The following HIVEP2 variants were observed in gnomAD, a reference collection of about 807,000 sequenced individuals.
The protein encoded by HIVEP2 is HIVEP zinc finger 2.
In HIVEP2, 14 loss-of-function variants were observed where a neutral mutation model predicts 180.7. The ratio of observed to expected loss-of-function variants is 0.08; its 90% CI spans 0.05 to 0.12. The LOEUF (loss-of-function observed/expected upper bound fraction) is 0.12, where lower values mean the gene tolerates loss of function less well. Among genes scored for constraint, HIVEP2 ranks in the 10% least tolerant of loss-of-function variants. HIVEP2 has a pLI of 1.00. For synonymous variants in HIVEP2, 1,184 were observed against 1,136.4 expected, an observed-to-expected ratio of 1.04 and a Z score of -0.84; for missense variants, 2,579 against 3,008.5, an observed-to-expected ratio of 0.86 and a Z score of 3.34.
chr6:142,883,982 C>T (rs907025599), intron 1 of HIVEP2, among the ~76,000 whole-genome samples: 3 of 151,874 alleles, frequency 2.0e-5, no homozygotes, highest in African/African-American at 7.2e-5. Flanking sequence ...TCCTTTAATC[C>T]CTTGAATTTT....
intron 1 of HIVEP2, among the ~76,000 whole-genome samples, chr6:142,881,687 T>C (rs1776577724): frequency 6.6e-6 from 1 of 152,196 alleles, no homozygotes; most frequent in Non-Finnish European, 1.5e-5. Flanking sequence ...ATGTATATTC[T>C]TCCAAGTAAA....
rs1057079776 is a variant in HIVEP2, at chr6:142,774,416, C to G, written c.323G>C (p.Gly108Ala). The change falls in exon 5 of 10, where the codon GGG becomes GCG. Residue 108 changes from glycine to alanine, a missense_variant. Gly to Ala is a moderately conservative substitution (Grantham distance 60). Coordinates refer to ENST00000367603, the MANE Select transcript of HIVEP2 (RefSeq NM_006734.4). This position sits in a 1 kb window ranked among gnomAD's most constrained non-coding sequence, Gnocchi z 5.1. Reference sequence around the variant, plus strand: ...ATGTGGCTTGGTGCTGTGCATGACCCCCTGTGGCAATGAGTGCTGAGGGAA... The same window carrying G: ...ATGTGGCTTGGTGCTGTGCATGACCGCCTGTGGCAATGAGTGCTGAGGGAA... Reference protein sequence around the residue: ...LSFPQHSLPQGVMHSTKPHQS... With the variant: ...LSFPQHSLPQAVMHSTKPHQS... 1 of 1,614,166 alleles carries G rather than the reference C, an allele frequency of 6.2e-7. No individual in the cohort carries two copies. Among genetic ancestry groups the G allele is most frequent in the Non-Finnish European group, 8.5e-7 (1 of 1,180,032 alleles).
intron 4 of HIVEP2, 55 bp downstream of exon 4, chr6:142,776,092 C>G (rs1287687485): frequency 6.6e-6 from 1 of 152,408 alleles, no homozygotes; most frequent in Non-Finnish European, 1.5e-5. Flanking sequence ...ATAAAGTCTT[C>G]TTAATATAGA....
intron 2 of HIVEP2, among the ~76,000 whole-genome samples, chr6:142,785,614 A>G (rs1775980033): frequency 6.6e-6 from 1 of 152,216 alleles, no homozygotes; most frequent in Admixed American, 6.5e-5. Context: ...AAAACAGAGC[A>G]CGTGAGTGCC....
chr6:142,815,969 T>C (rs914730464), intron 2 of HIVEP2, among the ~76,000 whole-genome samples: 2 of 152,232 alleles, frequency 1.3e-5, no homozygotes, highest in Non-Finnish European at 2.9e-5. Flanking sequence ...TAACTTTGTA[T>C]TGGACAATAG....
chr6:142,819,585 C>T (rs979644221), intron 2 of HIVEP2, among the ~76,000 whole-genome samples: 1 of 152,184 alleles, frequency 6.6e-6, no homozygotes, highest in African/African-American at 2.4e-5. Context: ...CGAAGTGACC[C>T]TTTCCCATGT....
At chr6:142,838,095 T>C (rs1340669730) in intron 1 of HIVEP2, among the ~76,000 whole-genome samples, 1 of 152,046 alleles carries the variant, frequency 6.6e-6, no homozygotes, top group Admixed American at 6.6e-5. Flanking sequence ...AAAATAAAGG[T>C]TGAAACAGAT....
rs1043990199 is a variant in HIVEP2 at position 142,780,728 on chromosome 6, C to T, written c.-433+2793G>A. On this transcript the variant is annotated intron_variant, in intron 3 of 9. Coordinates refer to ENST00000367603, the MANE Select transcript of HIVEP2 (RefSeq NM_006734.4). The stretch of plus-strand genomic sequence containing the variant: ...CATGGCATGACTTTCTCTTTAAAAA[C>T]AAGCAGGATTTGGGAGGGTTTGAAA... 7.2e-5 allele frequency among the ~76,000 whole-genome samples: 11 copies of T among 152,244 alleles called. No homozygotes were observed. The East Asian group carries it at 1.7e-3, about 24-fold the overall frequency.
intron 1 of HIVEP2, among the ~76,000 whole-genome samples, chr6:142,891,663 C>A (rs1351185697): frequency 2.0e-5 from 3 of 152,124 alleles, no homozygotes; most frequent in South Asian, 2.1e-4. Context: ...AGTCACCCAA[C>A]CTCCCTGGGC....
At chr6:142,799,162 C>A (rs1254763249) in intron 2 of HIVEP2, among the ~76,000 whole-genome samples, 1 of 152,100 alleles carries the variant, frequency 6.6e-6, no homozygotes. Context: ...TTACTTAAAG[C>A]ATGAAATGCT....
chr6:142,871,260 C>T (rs563509149), intron 1 of HIVEP2, among the ~76,000 whole-genome samples: 13 of 152,202 alleles, frequency 8.5e-5, no homozygotes, highest in African/African-American at 2.9e-4. Context: ...TTCCATTATA[C>T]ATTATCTCAC....
In HIVEP2 at chr6:142,771,078, G is replaced by T; in HGVS notation, c.3661C>A (p.Gln1221Lys). The change falls in exon 5 of 10, where the codon CAG becomes AAG. Residue 1221 changes from glutamine to lysine, a missense_variant. Coordinates refer to ENST00000367603, the MANE Select transcript of HIVEP2 (RefSeq NM_006734.4). The surrounding 1 kb of genome is among the most constrained non-coding windows in gnomAD (Gnocchi z 5.4). ...PTVCMVHLPA[Q>K]QPPWWQAHFP... is the part of the protein sequence containing the mutation. ...TGTGCCTGCCACCAGGGAGGCTGCT[G>T]AGCTGGTAAATGAACCATACAAACT... 2.5e-6 allele frequency: 4 copies of T among 1,614,136 alleles called. No homozygotes were observed. Among genetic ancestry groups the T allele is most frequent in the Non-Finnish European group, 3.4e-6 (4 of 1,180,028 alleles).
At chr6:142,798,078 T>C (rs530375219) in intron 2 of HIVEP2, among the ~76,000 whole-genome samples, 7 of 152,126 alleles carry the variant, frequency 4.6e-5, no homozygotes, top group Non-Finnish European at 4.4e-5. Flanking sequence ...TTCTCTCTTA[T>C]GGTGGTGAGG....
intron 1 of HIVEP2, among the ~76,000 whole-genome samples, chr6:142,840,948 G>T (rs1775345218): frequency 6.6e-6 from 1 of 151,900 alleles, no homozygotes; most frequent in Non-Finnish European, 1.5e-5. Context: ...AATGTAATAT[G>T]ATATTTAAGG....
chr6:142,872,206 A>G (rs1044619800), intron 1 of HIVEP2, among the ~76,000 whole-genome samples: 61 of 152,220 alleles, frequency 4.0e-4, no homozygotes, highest in African/African-American at 1.4e-3. Context: ...CTCAGTGAGT[A>G]TATAACTTGG....
chr6:142,836,213 T>A (rs198647), intron 2 of HIVEP2, among the ~76,000 whole-genome samples: 22,876 of 152,032 alleles, frequency 0.15, 3,137 homozygotes, highest in African/African-American at 0.37. Context: ...TTGGATTTTT[T>A]AAAAAAATTA....
chr6:142,855,742 C>T (rs1775802904), intron 1 of HIVEP2, among the ~76,000 whole-genome samples: 1 of 152,130 alleles, frequency 6.6e-6, no homozygotes, highest in African/African-American at 2.4e-5. Context: ...TTAAGTGAGC[C>T]ATTTAAAAGG....
At chr6:142,923,030 A>G (rs1234329238) in intron 1 of HIVEP2, among the ~76,000 whole-genome samples, 1 of 152,214 alleles carries the variant, frequency 6.6e-6, no homozygotes, top group Non-Finnish European at 1.5e-5. Context: ...TAAGAGATAA[A>G]TATTTCATAG....
In HIVEP2 at chr6:142,771,270, G is replaced by C; in HGVS notation, c.3469C>G (p.Gln1157Glu). Residue 1157 changes from glutamine (Q) to glutamate (E), a missense_variant, in exon 5 of 10, where the codon CAG (glutamine) becomes GAG (glutamate). Transcript: ENST00000367603. This position sits in a 1 kb window ranked among gnomAD's most constrained non-coding sequence, Gnocchi z 5.4. ...SSGPLHLAQP[Q>E]IMHMDSQESL... Reference sequence around the variant, plus strand: ...TCCTGACTGTCCATGTGCATGATCTGTGGCTGGGCCAGGTGCAGTGGCCCC... The same window carrying C: ...TCCTGACTGTCCATGTGCATGATCTCTGGCTGGGCCAGGTGCAGTGGCCCC... 1 of 1,613,906 alleles carries C rather than the reference G, an allele frequency of 6.2e-7. No individual in the cohort carries two copies. Among genetic ancestry groups the C allele is most frequent in the Non-Finnish European group, 8.5e-7 (1 of 1,180,032 alleles).
Sources: gnomAD v4.1 joint callset for allele counts (sites outside exome capture counted in the v4.1 genomes callset) on GRCh38, gnomAD v4.1.1 for gene constraint, Gnocchi (gnomAD v3.1) non-coding constraint, MANE v1.5 for transcripts, NCBI Gene and HGNC (gene_info 2026-07-23, HGNC 2026-07-21) for gene names.